Variants in ARHGAP32 observed in about 807,000 individuals in gnomAD.
ARHGAP32 encodes the protein rho GTPase-activating protein 32.
ARHGAP32 carries 51 observed loss-of-function variants against 186.5 expected under a neutral mutation model. The ratio of observed to expected loss-of-function variants is 0.27; its 90% CI spans 0.22 to 0.35. ARHGAP32 has a LOEUF of 0.35. Among genes scored for constraint, ARHGAP32 ranks in the 10% least tolerant of loss-of-function variants. ARHGAP32 has a pLI of 1.00. For missense variants in ARHGAP32, 2,186 were observed against 2,623.5 expected, an observed-to-expected ratio of 0.83 and a Z score of 3.64; for synonymous variants, 950 against 964.3, an observed-to-expected ratio of 0.99 and a Z score of 0.27.
intron 2 of ARHGAP32, among the ~76,000 whole-genome samples, chr11:129,162,275 T>A (rs1943547387): frequency 6.6e-6 from 1 of 152,042 alleles, no homozygotes; most frequent in Admixed American, 6.6e-5. Context: ...GCACATGTAC[T>A]CCGGAACTTA....
chr11:128,969,166 C>G lies in ARHGAP32; in HGVS notation c.6047G>C (p.Ser2016Thr). 3 of 1,613,210 alleles carry G rather than the reference C, an allele frequency of 1.9e-6. No homozygotes were observed. The highest frequency in any genetic ancestry group is 2.5e-6 in the Non-Finnish European group (3 of 1,179,588). ...HHTQNVERDP[S>T]VLYQYQPHGK... ...GTGTGGTTGGTACTGGTACAGCACA[C>G]TGGGGTCCCTCTCCACGTTCTGGGT... Residue 2016 changes from serine (S) to threonine (T), a missense_variant, in exon 23 of 23, where the codon AGT becomes ACT. Transcript: ENST00000682385. This position sits in a 1 kb window ranked among gnomAD's most constrained non-coding sequence, Gnocchi z 4.8.
intron 1 of ARHGAP32, among the ~76,000 whole-genome samples, chr11:129,229,987 G>A (rs1944836431): frequency 6.6e-6 from 1 of 151,934 alleles, no homozygotes; most frequent in Non-Finnish European, 1.5e-5. Flanking sequence ...GCTAATTTTT[G>A]TAATTTTTAT....
At chr11:129,231,132 T>C (rs1446440786) in intron 1 of ARHGAP32, among the ~76,000 whole-genome samples, 1 of 152,148 alleles carries the variant, frequency 6.6e-6, no homozygotes, top group Non-Finnish European at 1.5e-5. Context: ...AGACGCCATC[T>C]CAAAAAGTAG....
chr11:129,002,542 A>G (rs2134760928), intron 11 of ARHGAP32, among the ~76,000 whole-genome samples: 1 of 152,298 alleles, frequency 6.6e-6, no homozygotes, highest in East Asian at 1.9e-4. Context: ...GCAAACAAGG[A>G]TAATTTGGCT....
rs1945292255 is a variant in ARHGAP32 at position 128,969,331 on chromosome 11, T to G, written c.5882A>C (p.Glu1961Ala). 6 of 1,614,254 alleles carry G rather than the reference T, an allele frequency of 3.7e-6. No homozygotes were observed. The East Asian group carries it at 1.3e-4, about 36-fold the overall frequency. ...CTGCCTAACCCAGGGTCGCTCCATC[T>G]CTTTGGAGAGCCTTACCTCTTTGTG... Reference protein sequence around the residue: ...LNHKEVRLSKEMERPWVRQPS... With the variant: ...LNHKEVRLSKAMERPWVRQPS... The change falls in exon 23 of 23, where the codon GAG becomes GCG. Residue 1961 changes from glutamate (E) to alanine (A), a missense_variant. Physicochemically the swap from Glu to Ala is moderately radical, Grantham distance 107. Around this residue, in one of 5 missense-constraint regions of ARHGAP32, gnomAD observed 1,502 missense variants for 1,570.0 expected, o/e 0.96. Transcript: ENST00000682385. This position sits in a 1 kb window ranked among gnomAD's most constrained non-coding sequence, Gnocchi z 4.8.
At chr11:129,268,309 G>C (rs1945432053) in intron 1 of ARHGAP32, among the ~76,000 whole-genome samples, 1 of 152,142 alleles carries the variant, frequency 6.6e-6, no homozygotes, top group Non-Finnish European at 1.5e-5. Flanking sequence ...GATCTGTGTG[G>C]AGTCAGAAAT....
intron 1 of ARHGAP32, among the ~76,000 whole-genome samples, chr11:129,274,798 A>G (rs1945512460): frequency 6.6e-6 from 1 of 152,178 alleles, no homozygotes; most frequent in South Asian, 2.1e-4. Context: ...GAAGCATGCC[A>G]TAAAGATGTT....
chr11:129,057,586 C>G (rs1327090437), intron 10 of ARHGAP32, among the ~76,000 whole-genome samples: 1 of 151,856 alleles, frequency 6.6e-6, no homozygotes, highest in Admixed American at 6.6e-5. Context: ...GTTCCAGAAC[C>G]CCCTCATATA....
intron 1 of ARHGAP32, among the ~76,000 whole-genome samples, chr11:129,253,249 G>A (rs775509556): frequency 1.1e-4 from 17 of 152,224 alleles, no homozygotes; most frequent in Non-Finnish European, 1.9e-4. Context: ...TATTTAAGTA[G>A]ACAAATTATG....
intron 1 of ARHGAP32, among the ~76,000 whole-genome samples, chr11:129,261,996 G>GTC (rs762998091): frequency 1.3e-5 from 2 of 152,078 alleles, no homozygotes; most frequent in Non-Finnish European, 2.9e-5. Flanking sequence ...GACACATGAA[G>GTC]GTGGAGTTTT....
intron 5 of ARHGAP32, among the ~76,000 whole-genome samples, chr11:129,096,462 G>C (rs1941731519): frequency 6.6e-6 from 1 of 152,102 alleles, no homozygotes; most frequent in Non-Finnish European, 1.5e-5. Context: ...GGCTTGGATG[G>C]GAAACTGTAG....
intron 5 of ARHGAP32, among the ~76,000 whole-genome samples, chr11:129,111,913 C>T (rs1305056278): frequency 6.6e-6 from 1 of 152,032 alleles, no homozygotes; most frequent in African/African-American, 2.4e-5. Flanking sequence ...TGGCACATAC[C>T]GTTATGCCTG....
intron 2 of ARHGAP32, among the ~76,000 whole-genome samples, chr11:129,145,925 C>T (rs1338939651): frequency 6.6e-6 from 1 of 152,114 alleles, no homozygotes; most frequent in Non-Finnish European, 1.5e-5. Flanking sequence ...TAGAGACAGA[C>T]TTAACAGTTG....
chr11:129,201,359 T>C (rs1001596896), intron 1 of ARHGAP32, among the ~76,000 whole-genome samples: 2 of 152,222 alleles, frequency 1.3e-5, no homozygotes, highest in African/African-American at 2.4e-5. Flanking sequence ...TCTCAGCCTA[T>C]GGTTTCACTG....
At chr11:129,156,456 A>G (rs1326599603) in intron 2 of ARHGAP32, among the ~76,000 whole-genome samples, 1 of 152,228 alleles carries the variant, frequency 6.6e-6, no homozygotes, top group Non-Finnish European at 1.5e-5. Context: ...TTCCCCTCAC[A>G]ATGTAAACAA....
intron 12 of ARHGAP32, among the ~76,000 whole-genome samples, chr11:128,995,601 G>T (rs1946176841): frequency 6.6e-6 from 1 of 152,232 alleles, no homozygotes; most frequent in Non-Finnish European, 1.5e-5. Context: ...CACTTTGGGA[G>T]GCCAAGGTGG....
intron 1 of ARHGAP32, among the ~76,000 whole-genome samples, chr11:129,231,309 G>A (rs1944855599): frequency 6.6e-6 from 1 of 152,078 alleles, no homozygotes; most frequent in Non-Finnish European, 1.5e-5. Context: ...TCTGATTACA[G>A]ATGAAATCTC....
intron 2 of ARHGAP32, among the ~76,000 whole-genome samples, chr11:129,135,401 C>T (rs1030224174): frequency 6.6e-6 from 1 of 152,140 alleles, no homozygotes; most frequent in African/African-American, 2.4e-5. Flanking sequence ...ACAAAGGCAC[C>T]ACCGCAATTA....
chr11:129,021,695 A>T (rs1354557680), intron 11 of ARHGAP32, among the ~76,000 whole-genome samples: 1 of 152,124 alleles, frequency 6.6e-6, no homozygotes, highest in Non-Finnish European at 1.5e-5. Context: ...TTCCTGCTAA[A>T]AGTGATACTA....
Sources: gnomAD v4.1 joint callset for allele counts (sites outside exome capture counted in the v4.1 genomes callset) on GRCh38, gnomAD v4.1.1 for gene constraint, gnomAD v4.1.1 regional missense constraint, Gnocchi (gnomAD v3.1) non-coding constraint, MANE v1.5 for transcripts, NCBI Gene and HGNC (gene_info 2026-07-23, HGNC 2026-07-21) for gene names.